RBFOX1: variants seen among roughly 807,000 people sequenced by gnomAD.
RBFOX1 encodes the protein RNA binding protein fox-1 homolog 1.
In RBFOX1, 8 loss-of-function variants were observed where a neutral mutation model predicts 57.7. That is an observed-to-expected ratio of 0.14 (90% CI 0.08 to 0.25). The LOEUF (loss-of-function observed/expected upper bound fraction) is 0.25. Ranked by LOEUF, RBFOX1 falls within the 10% of genes least tolerant of loss-of-function variation. The probability of loss-of-function intolerance (pLI) is 1.00; values close to 1 mark genes in which losing one functional copy is unlikely to be tolerated. For missense variants in RBFOX1, 611 were observed against 548.5 expected (o/e 1.11, Z -1.14); for synonymous variants, 326 against 222.4 (o/e 1.47, Z -4.15).
intron 8 of RBFOX1, 28 bp downstream of exon 8, chr16:7,595,669 A>G: frequency 6.5e-7 from 1 of 1,542,378 alleles, no homozygotes; most frequent in Non-Finnish European, 8.8e-7. Context: ...TTTCCTTTTC[A>G]TCTTTTTTAT....
At chr16:5,594,904 G>C (rs2047130630) in intron 2 of RBFOX1, among the ~76,000 whole-genome samples, 1 of 150,176 alleles carries the variant, frequency 6.7e-6, no homozygotes, top group African/African-American at 2.5e-5. Context: ...GGTTGAAGCA[G>C]GTGGATCACT....
At chr16:5,968,702 C>G (rs571287676) in intron 4 of RBFOX1, among the ~76,000 whole-genome samples, 3 of 152,008 alleles carry the variant, frequency 2.0e-5, no homozygotes, top group Admixed American at 2.0e-4. Flanking sequence ...TGCAGGTATA[C>G]TGTTTGTTTT....
At chr16:7,006,975 C>G (rs1004564191) in intron 3 of RBFOX1, among the ~76,000 whole-genome samples, 1 of 152,140 alleles carries the variant, frequency 6.6e-6, no homozygotes, top group Non-Finnish European at 1.5e-5. Context: ...GCCAGAAGTA[C>G]CACACATTTG....
chr16:6,506,477 G>T (rs774329126), intron 2 of RBFOX1, among the ~76,000 whole-genome samples: 2 of 151,886 alleles, frequency 1.3e-5, no homozygotes, highest in Non-Finnish European at 2.9e-5. Context: ...CTGAGGGAAT[G>T]AACCAAGACT....
chr16:6,431,888 G>C (rs185257035), intron 2 of RBFOX1, among the ~76,000 whole-genome samples: 1 of 109,840 alleles, frequency 9.1e-6, no homozygotes, highest in South Asian at 3.4e-4. Flanking sequence ...AAATATGCTT[G>C]CTTGCTTGCT....
intron 3 of RBFOX1, among the ~76,000 whole-genome samples, chr16:5,611,023 C>G (rs1188031378): frequency 6.6e-6 from 1 of 152,202 alleles, no homozygotes; most frequent in Non-Finnish European, 1.5e-5. Flanking sequence ...GCCTCTGTGT[C>G]TCTCTACAGC....
chr16:7,080,716 A>G (rs183783753), intron 4 of RBFOX1, among the ~76,000 whole-genome samples: 25 of 152,298 alleles, frequency 1.6e-4, no homozygotes, highest in Non-Finnish European at 7.3e-5. Context: ...TATGCTTCCC[A>G]TCACAGATGA....
intron 4 of RBFOX1, among the ~76,000 whole-genome samples, chr16:7,452,999 C>T (rs2057686883): frequency 6.6e-6 from 1 of 151,990 alleles, no homozygotes; most frequent in Non-Finnish European, 1.5e-5. Context: ...CATGGTGGTG[C>T]ATGCCTGTAA....
At chr16:7,190,046 G>A (rs1415084346) in intron 4 of RBFOX1, among the ~76,000 whole-genome samples, 1 of 152,148 alleles carries the variant, frequency 6.6e-6, no homozygotes, top group Non-Finnish European at 1.5e-5. Context: ...TTACTGGCAG[G>A]GCTAGCACAG....
chr16:7,591,990 G>A (rs2094465537), intron 7 of RBFOX1, among the ~76,000 whole-genome samples: 1 of 151,980 alleles, frequency 6.6e-6, no homozygotes, highest in East Asian at 1.9e-4. Context: ...TGGTTACATT[G>A]CAACCCTCAG....
At chr16:5,780,296 C>A (rs1254686171) in intron 3 of RBFOX1, among the ~76,000 whole-genome samples, 1 of 152,150 alleles carries the variant, frequency 6.6e-6, no homozygotes, top group African/African-American at 2.4e-5. Context: ...GCCATTGCAC[C>A]CAGCCTTATT....
intron 1 of RBFOX1, among the ~76,000 whole-genome samples, chr16:6,122,802 ATGTGTGTG>A (rs4038155): frequency 1.2e-4 from 18 of 147,736 alleles, no homozygotes; most frequent in East Asian, 1.2e-3. Flanking sequence ...ATGTGTGTGT[ATGTGTGTG>A]TGTGTGTGTG....
At chr16:6,951,359 T>C (rs2080724562) in intron 3 of RBFOX1, among the ~76,000 whole-genome samples, 1 of 152,182 alleles carries the variant, frequency 6.6e-6, no homozygotes, top group Admixed American at 6.5e-5. Context: ...GCTAACTCTT[T>C]CTACCAAATA....
At chr16:5,300,100 A>G (rs1237091792) in intron 1 of RBFOX1, among the ~76,000 whole-genome samples, 1 of 150,934 alleles carries the variant, frequency 6.6e-6, no homozygotes, top group African/African-American at 2.4e-5. Context: ...GTGTTGAATT[A>G]CTCTAACCAC....
chr16:6,277,468 A>AAAAAAAAAAAAAAAAC, intron 1 of RBFOX1, among the ~76,000 whole-genome samples: 1 of 151,152 alleles, frequency 6.6e-6, no homozygotes, highest in African/African-American at 2.4e-5. Flanking sequence ...CAAAAAAAAA[A>AAAAAAAAAAAAAAAAC]AAAAAAAAAA....
chr16:6,131,957 C>G (rs1359981669), intron 1 of RBFOX1, among the ~76,000 whole-genome samples: 1 of 152,176 alleles, frequency 6.6e-6, no homozygotes, highest in Non-Finnish European at 1.5e-5. Context: ...AGAAGCTTTG[C>G]TTAAAACTGA....
intron 3 of RBFOX1, among the ~76,000 whole-genome samples, chr16:6,805,127 A>G (rs1466510195): frequency 6.6e-6 from 1 of 152,138 alleles, no homozygotes; most frequent in Non-Finnish European, 1.5e-5. Context: ...AATAGCAAAG[A>G]TATGGAATCA....
intron 1 of RBFOX1, among the ~76,000 whole-genome samples, chr16:6,252,894 A>G (rs1379378487): frequency 6.6e-6 from 1 of 152,148 alleles, no homozygotes. Context: ...TAATAATAGA[A>G]GGGATTGTTC....
intron 2 of RBFOX1, among the ~76,000 whole-genome samples, chr16:5,579,356 C>G (rs11643962): frequency 0.37 from 55,704 of 151,832 alleles, 12,066 homozygotes; most frequent in Admixed American, 0.53. Context: ...CTAATCTCCT[C>G]TTTCTCATCA....
Sources: allele counts gnomAD v4.1 joint callset (sites outside exome capture counted in the v4.1 genomes callset), GRCh38; gene constraint gnomAD v4.1.1; transcripts MANE v1.5; gene names NCBI Gene and HGNC (gene_info 2026-07-23, HGNC 2026-07-21).